MC2R: variants seen among roughly 807,000 people sequenced by gnomAD.
MC2R encodes the protein melanocortin 2 receptor, also known as adrenocorticotropic hormone receptor.
MC2R carries 9 observed loss-of-function variants against 9.8 expected under a neutral mutation model. That is an observed-to-expected ratio of 0.92 (90% confidence interval 0.55 to 1.60). The LOEUF is 1.60. MC2R is among the 40% of genes most tolerant of loss of function. MC2R has a pLI of 0.00. For missense variants in MC2R, 370 were observed against 389.0 expected (o/e 0.95, Z 0.41); for synonymous variants, 185 against 154.7 (o/e 1.20, Z -1.45).
At chr18:13,891,571 C>T (rs1387701999) in intron 1 of MC2R, among the ~76,000 whole-genome samples, 1 of 152,220 alleles carries the variant, frequency 6.6e-6, no homozygotes, top group African/African-American at 2.4e-5. Context: ...CCTTCCCTAG[C>T]CTCTTCAGTG....
In MC2R at chr18:13,900,084, G is replaced by T. The variant is rs138159211; in HGVS notation, c.-128-14438C>A. On this transcript the variant is annotated intron_variant, in intron 1 of 1. Coordinates refer to ENST00000327606, the MANE Select transcript of MC2R (RefSeq NM_000529.2). Reference sequence around the variant, plus strand: ...TATGGACAGTACAAAAATATGTATAGAAACAACAGAAAGTTAAAAAGTGGG... The same window carrying T: ...TATGGACAGTACAAAAATATGTATATAAACAACAGAAAGTTAAAAAGTGGG... 1.2e-3 allele frequency among the ~76,000 whole-genome samples: 180 copies of T among 152,164 alleles called. 4 individuals carry two copies. In the Middle Eastern group the frequency reaches 0.017, roughly 14 times the overall value.
chr18:13,905,053 A>G (rs2045404724), intron 1 of MC2R, among the ~76,000 whole-genome samples: 1 of 152,206 alleles, frequency 6.6e-6, no homozygotes. Flanking sequence ...TAATTACACT[A>G]AAGAGCTTCT....
At position 13,885,074 on chromosome 18, in the gene MC2R, C is replaced by G; in HGVS notation, c.445G>C (p.Val149Leu). The G allele has an allele frequency of 6.2e-7, 1 of 1,614,176 alleles. No individual in the cohort carries two copies. Among genetic ancestry groups the G allele is most frequent in the African/African-American group, 1.3e-5 (1 of 75,052 alleles). Residue 149 changes from valine (V) to leucine (L), a missense_variant, in exon 2 of 2, where the codon GTG becomes CTG. By Grantham distance (32) the Val-to-Leu change is conservative. Transcript: ENST00000327606. The stretch of plus-strand genomic sequence containing the variant: ...AACGTCCAGATGACCGTAAGCACCA[C>G]CACAGTGCGGCGCATGGTCACGATG... ...HSIVTMRRTVVVLTVIWTFCT... is the reference protein window; with the variant it reads ...HSIVTMRRTVLVLTVIWTFCT...
intron 1 of MC2R, among the ~76,000 whole-genome samples, chr18:13,892,847 C>A (rs1046844243): frequency 3.5e-5 from 5 of 142,120 alleles, no homozygotes; most frequent in African/African-American, 1.3e-4. Flanking sequence ...CACACACACA[C>A]CACACACACA....
intron 1 of MC2R, among the ~76,000 whole-genome samples, chr18:13,889,376 C>G (rs1424295152): frequency 6.6e-6 from 1 of 152,208 alleles, no homozygotes; most frequent in East Asian, 1.9e-4. Context: ...TTTTTCATAG[C>G]TTTATAATCT....
intron 1 of MC2R, among the ~76,000 whole-genome samples, chr18:13,894,376 C>T (rs2045334675): frequency 6.6e-6 from 1 of 152,090 alleles, no homozygotes; most frequent in Admixed American, 6.5e-5. Flanking sequence ...TTGCTTTGGT[C>T]TAAGAGAAGT....
At chr18:13,889,655 A>G (rs2045302885) in intron 1 of MC2R, among the ~76,000 whole-genome samples, 1 of 152,198 alleles carries the variant, frequency 6.6e-6, no homozygotes, top group African/African-American at 2.4e-5. Flanking sequence ...ATGGGCCTAA[A>G]GTGAGATTTT....
At position 13,885,582 on chromosome 18, in the gene MC2R, A is replaced by G; in HGVS notation, c.-64T>C. 16 of 1,558,838 alleles carry G rather than the reference A, an allele frequency of 1.0e-5. No homozygotes were observed. Among genetic ancestry groups the G allele is most frequent in the Non-Finnish European group, 1.4e-5 (16 of 1,132,618 alleles). ...CTTGACTTCACGGAAAACTTGATTG[A>G]TTCTTCAGGATCTTTTCTTCCTTGT... On this transcript the variant is annotated 5_prime_UTR_variant, in exon 2 of 2. Coordinates refer to ENST00000327606, the MANE Select transcript of MC2R (RefSeq NM_000529.2).
At chr18:13,893,203 C>T (rs758563099) in intron 1 of MC2R, among the ~76,000 whole-genome samples, 7 of 152,118 alleles carry the variant, frequency 4.6e-5, no homozygotes, top group East Asian at 1.9e-4. Context: ...GAACGACATC[C>T]GGAAGTTTAT....
intron 1 of MC2R, among the ~76,000 whole-genome samples, chr18:13,896,038 G>T (rs1024345239): frequency 4.6e-5 from 7 of 152,120 alleles, no homozygotes; most frequent in African/African-American, 1.7e-4. Context: ...AATATTAAGA[G>T]ATATGACTAT....
intron 1 of MC2R, among the ~76,000 whole-genome samples, chr18:13,898,548 G>T (rs1183082506): frequency 6.6e-6 from 1 of 152,222 alleles, no homozygotes; most frequent in Non-Finnish European, 1.5e-5. Flanking sequence ...GCCAGGGAGT[G>T]GTTACAGCAG....
intron 1 of MC2R, among the ~76,000 whole-genome samples, chr18:13,911,160 A>G (rs1178892551): frequency 6.6e-6 from 1 of 152,184 alleles, no homozygotes; most frequent in Admixed American, 6.5e-5. Context: ...AGTAGCAGGG[A>G]CTAGGGGCCA....
chr18:13,884,922 C>T lies in MC2R; in HGVS notation c.597G>A (p.Leu199=). 6.2e-7 allele frequency: 1 copy of T among 1,613,708 alleles called. No individual in the cohort carries two copies. The highest frequency in any genetic ancestry group is 2.2e-5 in the East Asian group (1 of 44,828). The change falls in exon 2 of 2, where the codon CTG becomes CTA. Residue 199 remains leucine (L), a synonymous_variant. Transcript: ENST00000327606. Reference sequence around the variant, plus strand: ...AGATCTTCCTGGTGTGGGATCGAGCCAGCAGGAACATGTGCACATAGAGGC... The same window carrying T: ...AGATCTTCCTGGTGTGGGATCGAGCTAGCAGGAACATGTGCACATAGAGGC... ...ILCLYVHMFL[L]ARSHTRKIST...
In MC2R at chr18:13,900,061, T is replaced by C. The variant is rs963696309; in HGVS notation, c.-128-14415A>G. On this transcript the variant is annotated intron_variant, in intron 1 of 1. Transcript: ENST00000327606. ...ATAACTACAACAAATTTTCAAGATA[T>C]GGACAGTACAAAAATATGTATAGAA... Among the ~76,000 whole-genome samples the C allele has an allele frequency of 7.2e-5, 11 of 152,206 alleles. No individual in the cohort carries two copies. In the East Asian group the frequency reaches 2.1e-3, roughly 29 times the overall value.
intron 1 of MC2R, among the ~76,000 whole-genome samples, chr18:13,905,573 G>A (rs1032999148): frequency 2.0e-5 from 3 of 151,984 alleles, no homozygotes; most frequent in Admixed American, 1.3e-4. Flanking sequence ...TCAGAATGGC[G>A]ATTATTAAAA....
At position 13,884,189 on chromosome 18, in the gene MC2R, C is replaced by T. The variant is rs2045256583; in HGVS notation, c.*436G>A. ...GTACTTAACTTCTGGAAATTGGCTG[C>T]AATGGCCTCCACCTGGAAAGGCCAC... On this transcript the variant is annotated 3_prime_UTR_variant, in exon 2 of 2. Transcript: ENST00000327606. 4.1e-6 allele frequency: 1 copy of T among 242,428 alleles called. No homozygotes were observed. The highest frequency in any genetic ancestry group is 8.1e-6 in the Non-Finnish European group (1 of 122,870). 15.0% of individuals were successfully genotyped at this position (242,428 alleles called of 1,614,324 possible).
Position 13,897,815 on chromosome 18 carries a change from G to A in MC2R, c.-128-12169C>T, listed in dbSNP as rs151106195. Among the ~76,000 whole-genome samples, 178 of 152,086 alleles carry A rather than the reference G, an allele frequency of 1.2e-3. 4 individuals carry two copies. The Middle Eastern group carries it at 0.017, about 15-fold the overall frequency. Reference sequence around the variant, plus strand: ...CCTTGAAGGGAAGGAACCAGTTCTGGCAGCATTCATCACCTGCTACCTGAA... The same window carrying A: ...CCTTGAAGGGAAGGAACCAGTTCTGACAGCATTCATCACCTGCTACCTGAA... On this transcript the variant is annotated intron_variant, in intron 1 of 1. Coordinates refer to ENST00000327606, the MANE Select transcript of MC2R (RefSeq NM_000529.2).
Position 13,883,702 on chromosome 18 carries a change from G to A in MC2R, c.*923C>T, listed in dbSNP as rs2045252754. The A allele has an allele frequency of 7.0e-6, 1 of 142,508 alleles. No individual in the cohort carries two copies. The highest frequency in any genetic ancestry group is 2.8e-5 in the African/African-American group (1 of 36,210). 8.8% of individuals were successfully genotyped at this position (142,508 alleles called of 1,614,324 possible). A position where few individuals can be genotyped will look rare whatever the true frequency, so the allele number is the denominator to read the frequency against. ...TCTTTATTTCTTAAAATACATGTTG[G>A]GGCTCTTTTCTTGTACTTCTACATT... On this transcript the variant is annotated 3_prime_UTR_variant, in exon 2 of 2. Transcript: ENST00000327606.
chr18:13,899,261 G>A (rs1598465168), intron 1 of MC2R, among the ~76,000 whole-genome samples: 3 of 152,172 alleles, frequency 2.0e-5, no homozygotes, highest in African/African-American at 7.2e-5. Flanking sequence ...AATTGATGAA[G>A]CAGAAGAAAG....
Sources: gnomAD v4.1 joint callset for allele counts (sites outside exome capture counted in the v4.1 genomes callset) on GRCh38, gnomAD v4.1.1 for gene constraint, MANE v1.5 for transcripts, NCBI Gene and HGNC (gene_info 2026-07-23, HGNC 2026-07-21) for gene names.